PACRG: variants seen among roughly 807,000 people sequenced by gnomAD.
PACRG encodes parkin coregulated gene protein.
Under a neutral mutation model 29.7 loss-of-function variants are expected in PACRG, and 29 were observed. The observed-to-expected ratio is 0.98, with a 90% CI of 0.73 to 1.33. PACRG has a LOEUF of 1.33. Among genes scored for constraint, PACRG ranks in the 40% most tolerant of loss-of-function variants. The pLI, the probability that PACRG is intolerant of heterozygous loss-of-function variation, is 0.00. For missense variants in PACRG, 279 were observed against 316.2 expected (o/e 0.88, Z 0.89); for synonymous variants, 116 against 118.7 (o/e 0.98, Z 0.15).
At chr6:162,946,230 A>G (rs937331822) in intron 2 of PACRG, among the ~76,000 whole-genome samples, 14 of 152,102 alleles carry the variant, frequency 9.2e-5, no homozygotes, top group Non-Finnish European at 7.4e-5. Flanking sequence ...AACAAAATCA[A>G]TAAACCACTA....
In PACRG at chr6:162,805,992, G is replaced by A. The variant is rs6911060; in HGVS notation, c.157-8155G>A. Among the ~76,000 whole-genome samples the A allele has an allele frequency of 1.3e-3, 201 of 152,224 alleles. 1 individual carries two copies. The highest frequency in any genetic ancestry group is 4.4e-3 in the African/African-American group (184 of 41,544). On this transcript the variant is annotated intron_variant, in intron 1 of 4. Transcript: ENST00000366888. ...CTATGAATCAGAAAGGTTCTTAATG[G>A]CATTTAGAATGGTAAATCCTGAATC...
intron 4 of PACRG, among the ~76,000 whole-genome samples, chr6:163,196,105 A>G (rs1191311914): frequency 1.3e-5 from 2 of 152,202 alleles, no homozygotes; most frequent in Non-Finnish European, 2.9e-5. Context: ...CAAAAGCAAC[A>G]GGTCCAAGAT....
intron 2 of PACRG, among the ~76,000 whole-genome samples, chr6:162,939,630 G>T (rs1260211365): frequency 1.3e-5 from 2 of 150,254 alleles, no homozygotes; most frequent in African/African-American, 4.9e-5. Flanking sequence ...CCTATTCTTT[G>T]TTCTCCTTAT....
intron 1 of PACRG, among the ~76,000 whole-genome samples, chr6:162,787,560 G>GTTAT (rs1178240477): frequency 2.1e-5 from 1 of 47,350 alleles, no homozygotes; most frequent in African/African-American, 7.8e-5. Context: ...TATGGTTATT[G>GTTAT]TGTGTGTGTG....
chr6:163,180,798 T>C (rs1030066323), intron 4 of PACRG, among the ~76,000 whole-genome samples: 1 of 152,094 alleles, frequency 6.6e-6, no homozygotes, highest in Non-Finnish European at 1.5e-5. Flanking sequence ...AAAATCTGAT[T>C]TTATGTTTCT....
At chr6:162,961,834 C>T (rs1800644436) in intron 2 of PACRG, among the ~76,000 whole-genome samples, 1 of 152,120 alleles carries the variant, frequency 6.6e-6, no homozygotes, top group South Asian at 2.1e-4. Flanking sequence ...CATGTATTCC[C>T]ATATGTAAAA....
intron 2 of PACRG, among the ~76,000 whole-genome samples, chr6:162,958,711 AC>A (rs1242711758): frequency 6.6e-6 from 1 of 150,594 alleles, no homozygotes; most frequent in Non-Finnish European, 1.5e-5. Context: ...GTGGAGGCAG[AC>A]AATAAAAATG....
chr6:163,303,855 A>G (rs1218466619), intron 4 of PACRG, among the ~76,000 whole-genome samples: 1 of 151,766 alleles, frequency 6.6e-6, no homozygotes, highest in African/African-American at 2.4e-5. Flanking sequence ...TTAAAGAAAA[A>G]AAATACAAAA....
chr6:163,152,931 A>G (rs1358462560), intron 4 of PACRG, among the ~76,000 whole-genome samples: 1 of 152,170 alleles, frequency 6.6e-6, no homozygotes, highest in East Asian at 1.9e-4. Context: ...TCCGGAGGGT[A>G]AAAGGGTTAG....
At chr6:162,940,661 C>T (rs796146191) in intron 2 of PACRG, among the ~76,000 whole-genome samples, 8 of 152,276 alleles carry the variant, frequency 5.3e-5, no homozygotes, top group Admixed American at 2.0e-4. Context: ...GTGCCTGGAC[C>T]GGCTGCTGCT....
At chr6:162,817,101 A>G (rs1787421177) in intron 2 of PACRG, among the ~76,000 whole-genome samples, 2 of 152,208 alleles carry the variant, frequency 1.3e-5, no homozygotes, top group Admixed American at 1.3e-4. Context: ...CAGTGTTTCC[A>G]GAGCCTGTGG....
intron 4 of PACRG, among the ~76,000 whole-genome samples, chr6:163,306,430 T>G (rs1785200262): frequency 6.6e-6 from 1 of 152,358 alleles, no homozygotes; most frequent in African/African-American, 2.4e-5. Flanking sequence ...CCTATTTTTC[T>G]TAGTATAACT....
chr6:163,174,826 C>T (rs1585296357), intron 4 of PACRG, among the ~76,000 whole-genome samples: 2 of 152,218 alleles, frequency 1.3e-5, no homozygotes, highest in East Asian at 1.9e-4. Context: ...CCACCTGAGA[C>T]ACCAAGGACA....
intron 1 of PACRG, among the ~76,000 whole-genome samples, chr6:162,808,053 A>G (rs781221408): frequency 2.6e-5 from 4 of 152,130 alleles, no homozygotes; most frequent in Admixed American, 2.0e-4. Flanking sequence ...CAATTTTCTT[A>G]TTGTAATAAT....
chr6:163,176,552 G>A (rs1450608446), intron 4 of PACRG, among the ~76,000 whole-genome samples: 1 of 152,000 alleles, frequency 6.6e-6, no homozygotes, highest in Non-Finnish European at 1.5e-5. Flanking sequence ...AAGAAAGAAA[G>A]GGGGGAGGGA....
intron 4 of PACRG, among the ~76,000 whole-genome samples, chr6:163,293,085 T>G (rs528359177): frequency 3.3e-5 from 5 of 152,358 alleles, no homozygotes; most frequent in Non-Finnish European, 5.9e-5. Flanking sequence ...TTTCGTGACT[T>G]TTCTTTATTC....
intron 1 of PACRG, among the ~76,000 whole-genome samples, chr6:162,729,557 A>C (rs75383856): frequency 0.014 from 2,131 of 152,260 alleles, 51 homozygotes; most frequent in African/African-American, 0.048. Context: ...TGCTTGTTGT[A>C]ACTAATTCTT....
At chr6:163,236,421 C>T (rs1782240225) in intron 4 of PACRG, among the ~76,000 whole-genome samples, 1 of 152,218 alleles carries the variant, frequency 6.6e-6, no homozygotes, top group Non-Finnish European at 1.5e-5. Context: ...TGAGTTGAAT[C>T]TCTTCTACGT....
chr6:162,927,088 C>G (rs1171934923), intron 2 of PACRG, among the ~76,000 whole-genome samples: 1 of 152,076 alleles, frequency 6.6e-6, no homozygotes, highest in African/African-American at 2.4e-5. Flanking sequence ...AAATGCAAAT[C>G]AAAACCATGA....
Sources: allele counts gnomAD v4.1 joint callset (sites outside exome capture counted in the v4.1 genomes callset), GRCh38; gene constraint gnomAD v4.1.1; transcripts MANE v1.5; gene names NCBI Gene and HGNC (gene_info 2026-07-23, HGNC 2026-07-21).